Variants in DNAAF5 observed in about 807,000 individuals in gnomAD.
DNAAF5 encodes the protein dynein axonemal assembly factor 5.
DNAAF5 carries 64 observed loss-of-function variants against 75.8 expected under a neutral mutation model. The ratio of observed to expected loss-of-function variants is 0.84; its 90% confidence interval spans 0.69 to 1.04. DNAAF5 has a LOEUF of 1.04. DNAAF5 is among the 50% of genes least tolerant of loss of function. DNAAF5 has a pLI of 0.00. For missense variants in DNAAF5, 1,269 were observed against 1,178.5 expected (o/e 1.08, Z -1.12); for synonymous variants, 657 against 557.2 (o/e 1.18, Z -2.52).
chr7:738,957 C>G (rs971757812), intron 2 of DNAAF5, among the ~76,000 whole-genome samples: 3 of 152,276 alleles, frequency 2.0e-5, no homozygotes, highest in African/African-American at 7.2e-5. Context: ...GTTCAGACTG[C>G]TCCCTGGCTG....
At chr7:746,280 T>C (rs34206746) in intron 4 of DNAAF5, among the ~76,000 whole-genome samples, 46,756 of 74,330 alleles carry the variant, frequency 0.63, 13,967 homozygotes, top group Middle Eastern at 0.73. Context: ...TGCCCCCCCC[T>C]GCCCGCTGGG....
intron 6 of DNAAF5, among the ~76,000 whole-genome samples, chr7:759,341 G>T (rs1782576012): frequency 6.6e-6 from 1 of 152,188 alleles, no homozygotes; most frequent in South Asian, 2.1e-4. Context: ...GGTGTCTCGG[G>T]CCCAGTAGGT....
rs1359323316 is a variant in DNAAF5, at chr7:746,387, GCCTGTGACGCCCTCC to G, written c.1024+4923_1024+4937del. Among the ~76,000 whole-genome samples, 22 of 81,400 alleles carry G rather than the reference GCCTGTGACGCCCTCC, an allele frequency of 2.7e-4. 3 individuals are homozygous for G. The highest frequency in any genetic ancestry group is 9.5e-4 in the African/African-American group (16 of 16,780). The allele number at this position is 81,400 out of a possible 152,430, so 53.4% of individuals were successfully genotyped here. On this transcript the variant is annotated intron_variant, in intron 4 of 12. Coordinates refer to ENST00000297440, the MANE Select transcript of DNAAF5 (RefSeq NM_017802.4). ...CTGCCCCCCACCCAACATGCCCAGG[GCCTGTGACGCCCTCC>G]TTACCGTCCTGCTGCCCCCCACCCA...
intron 1 of DNAAF5, among the ~76,000 whole-genome samples, chr7:728,850 C>G (rs562598867): frequency 6.6e-6 from 1 of 152,280 alleles, no homozygotes; most frequent in African/African-American, 2.4e-5. Context: ...GGCCTCACCT[C>G]TGGTCTCGGT....
chr7:783,475 C>T (rs986778214), intron 12 of DNAAF5, among the ~76,000 whole-genome samples: 3 of 152,156 alleles, frequency 2.0e-5, no homozygotes, highest in African/African-American at 4.8e-5. Context: ...TCTGAAGGGT[C>T]CTGGGGACCC....
intron 9 of DNAAF5, chr7:771,398 CT>C (rs2128084023): frequency 6.6e-6 from 1 of 152,426 alleles, no homozygotes; most frequent in South Asian, 2.1e-4. Flanking sequence ...CAGCTGGGTC[CT>C]ACCCCCGCCT....
Position 726,881 on chromosome 7 carries a change from G to A in DNAAF5, c.161G>A (p.Arg54Gln), listed in dbSNP as rs1310291389. 10 of 1,327,452 alleles carry A rather than the reference G, an allele frequency of 7.5e-6. No homozygotes were observed. In the South Asian group the frequency reaches 1.3e-4, roughly 17 times the overall value. The allele number at this position is 1,327,452 out of a possible 1,614,324, so 82.2% of individuals were successfully genotyped here. Residue 54 changes from arginine (R) to glutamine (Q), a missense_variant, in exon 1 of 13, where the codon CGG (arginine) becomes CAG (glutamine). Physicochemically the swap from Arg to Gln is conservative, Grantham distance 43. Coordinates refer to ENST00000297440, the MANE Select transcript of DNAAF5 (RefSeq NM_017802.4). ...PGRRRALEALRRALEEPGPAA... is the reference protein window; with the variant it reads ...PGRRRALEALQRALEEPGPAA... ...CGGCGGCGCGCCTTGGAGGCCCTGC[G>A]GCGCGCGCTGGAGGAGCCAGGCCCT...
intron 4 of DNAAF5, among the ~76,000 whole-genome samples, chr7:745,284 A>G (rs895965104): frequency 2.6e-4 from 40 of 152,364 alleles, no homozygotes; most frequent in African/African-American, 8.2e-4. Flanking sequence ...CAGGAATGGC[A>G]GTCCCCAAGA....
At chr7:736,873 G>A (rs1377147601) in intron 2 of DNAAF5, among the ~76,000 whole-genome samples, 5 of 151,838 alleles carry the variant, frequency 3.3e-5, no homozygotes, top group Middle Eastern at 3.4e-3. Flanking sequence ...CTGTTGTGGC[G>A]TTTTTTATTT....
At position 741,595 on chromosome 7, in the gene DNAAF5, G is replaced by C. The variant is rs1045868232; in HGVS notation, c.1024+130G>C. On this transcript the variant is annotated intron_variant, in intron 4 of 12. Transcript: ENST00000297440. ...AGGCGGCCGCGTCGGAAAGGTGCAG[G>C]CGTCTCCCCACTGGGCTGGGGCTCC... 9.6e-6 allele frequency: 6 copies of C among 625,614 alleles called. No individual in the cohort carries two copies. In the South Asian group the frequency reaches 9.8e-5, roughly 10 times the overall value. The allele number at this position is 625,614 out of a possible 1,614,324, so 38.8% of individuals were successfully genotyped here.
At chr7:760,896 G>T (rs1168282998) in intron 6 of DNAAF5, among the ~76,000 whole-genome samples, 1 of 152,204 alleles carries the variant, frequency 6.6e-6, no homozygotes, top group Non-Finnish European at 1.5e-5. Context: ...AAAACTTGGT[G>T]TTATAGAAAA....
chr7:777,748 C>G (rs1778810969), intron 11 of DNAAF5, among the ~76,000 whole-genome samples: 1 of 152,222 alleles, frequency 6.6e-6, no homozygotes, highest in South Asian at 2.1e-4. Context: ...TGGGTCAACT[C>G]TAGACTGAAT....
chr7:740,547 G>T (rs1583481830), intron 2 of DNAAF5, among the ~76,000 whole-genome samples: 1 of 152,196 alleles, frequency 6.6e-6, no homozygotes, highest in Non-Finnish European at 1.5e-5. Flanking sequence ...CGGGGTATGT[G>T]TGTGTGAGCC....
At chr7:765,934 T>C (rs1782805994) in intron 8 of DNAAF5, among the ~76,000 whole-genome samples, 1 of 152,190 alleles carries the variant, frequency 6.6e-6, no homozygotes, top group East Asian at 1.9e-4. Flanking sequence ...GCTCAAGCGA[T>C]CCTCCTGCCT....
intron 1 of DNAAF5, 69 bp downstream of exon 1, chr7:727,384 CCT>C: frequency 1.1e-6 from 1 of 899,902 alleles, no homozygotes; most frequent in Non-Finnish European, 1.4e-6. Flanking sequence ...CTCCGCGGCC[CCT>C]CTCACAACCC....
At chr7:752,879 A>ATT (rs1425902734) in intron 4 of DNAAF5, among the ~76,000 whole-genome samples, 3 of 152,234 alleles carry the variant, frequency 2.0e-5, no homozygotes, top group South Asian at 2.1e-4. Flanking sequence ...AAAACAATCC[A>ATT]TTTTTTTAAA....
At chr7:777,997 C>T (rs1362531011) in intron 11 of DNAAF5, among the ~76,000 whole-genome samples, 1 of 152,132 alleles carries the variant, frequency 6.6e-6, no homozygotes, top group Non-Finnish European at 1.5e-5. Context: ...TCAGAATCTT[C>T]CAGAACTGGA....
chr7:749,882 A>C (rs1782235525), intron 4 of DNAAF5, among the ~76,000 whole-genome samples: 1 of 152,104 alleles, frequency 6.6e-6, no homozygotes, highest in Non-Finnish European at 1.5e-5. Context: ...TGTTTTTAGT[A>C]GAGACAGGGT....
At chr7:741,906 G>A (rs1781922918) in intron 4 of DNAAF5, among the ~76,000 whole-genome samples, 2 of 152,172 alleles carry the variant, frequency 1.3e-5, no homozygotes, top group Admixed American at 6.5e-5. Flanking sequence ...CGAGGGCCAC[G>A]GGTGAGGTGA....
Sources: allele counts gnomAD v4.1 joint callset (sites outside exome capture counted in the v4.1 genomes callset), GRCh38; gene constraint gnomAD v4.1.1; transcripts MANE v1.5; gene names NCBI Gene and HGNC (gene_info 2026-07-23, HGNC 2026-07-21).